LIN52: variants seen among roughly 807,000 people sequenced by gnomAD.
The protein encoded by LIN52 is lin-52 DREAM MuvB core complex component.
LIN52 carries 4 observed loss-of-function variants against 18.5 expected under a neutral mutation model. The observed-to-expected ratio is 0.22, with a 90% CI of 0.11 to 0.49. The LOEUF (loss-of-function observed/expected upper bound fraction) is 0.49, where lower values mean the gene tolerates loss of function less well. LIN52 is among the 20% of genes least tolerant of loss of function. The pLI, the probability that LIN52 is intolerant of heterozygous loss-of-function variation, is 0.97. For missense variants in LIN52, 102 were observed against 139.5 expected (o/e 0.73, Z 1.35); for synonymous variants, 34 against 45.5 (o/e 0.75, Z 1.02).
rs767434505 is a variant in LIN52, at chr14:74,139,011, A to C, written c.283+37773A>C. ...CAGGTAGGGCAGTTCCAAAGGTGTC[A>C]TCAAGGACTAAAGTTTCCATCCTTC... On this transcript the variant is annotated intron_variant, in intron 5 of 5. Transcript: ENST00000555028. Among the ~76,000 whole-genome samples the C allele has an allele frequency of 2.0e-5, 3 of 150,342 alleles. No individual in the cohort carries two copies. The East Asian group carries it at 6.1e-4, about 30-fold the overall frequency.
intron 5 of LIN52, among the ~76,000 whole-genome samples, chr14:74,164,277 AGC>A (rs1425704617): frequency 9.2e-6 from 1 of 108,956 alleles, no homozygotes; most frequent in East Asian, 2.8e-4. Context: ...CACTGCGCCC[AGC>A]CGTTTTTGTT....
intron 5 of LIN52, among the ~76,000 whole-genome samples, chr14:74,172,216 T>C (rs1454500949): frequency 6.6e-6 from 1 of 152,172 alleles, no homozygotes; most frequent in East Asian, 1.9e-4. Flanking sequence ...GGTATATGTA[T>C]CTCTAGTCTG....
chr14:74,096,756 A>G (rs2060816393), intron 3 of LIN52, among the ~76,000 whole-genome samples: 1 of 152,166 alleles, frequency 6.6e-6, no homozygotes, highest in South Asian at 2.1e-4. Flanking sequence ...AATTAATTAA[A>G]TATAAAAAAA....
rs1346866522 is a variant in LIN52, at chr14:74,200,821, G to A, written c.*1844G>A. On this transcript the variant is annotated 3_prime_UTR_variant, in exon 6 of 6. Coordinates refer to ENST00000555028, the MANE Select transcript of LIN52 (RefSeq NM_001024674.3). ...GGTTGAAGAGTGTGTGTGTGTGTGT[G>A]CGCGCGCGCATGTGGCCAAAAAATA... 8.9e-4 allele frequency: 11 copies of A among 12,416 alleles called. No homozygotes were observed. The highest frequency in any genetic ancestry group is 4.2e-4 in the African/African-American group (3 of 7,202). The allele number at this position is 12,416 out of a possible 1,614,324, so 0.8% of individuals were successfully genotyped here. A position where few individuals can be genotyped will look rare whatever the true frequency, so the allele number is the denominator to read the frequency against.
Position 74,175,745 on chromosome 14 carries a change from CACACA to C in LIN52, c.284-23176_284-23172del, listed in dbSNP as rs1566867482. On this transcript the variant is annotated intron_variant, in intron 5 of 5. Transcript: ENST00000555028. ...ACACACACACACACACACACACACA[CACACA>C]CCCCCATTATACAGCTATACCAAAA... 4.4e-3 allele frequency among the ~76,000 whole-genome samples: 636 copies of C among 142,948 alleles called. 3 individuals carry two copies. The highest frequency in any genetic ancestry group is 0.01 in the Admixed American group (147 of 14,686). The allele number at this position is 142,948 out of a possible 152,430, so 93.8% of individuals were successfully genotyped here. A position where few individuals can be genotyped will look rare whatever the true frequency, so the allele number is the denominator to read the frequency against.
intron 5 of LIN52, among the ~76,000 whole-genome samples, chr14:74,109,523 T>C (rs1165745659): frequency 2.6e-5 from 4 of 152,260 alleles, no homozygotes; most frequent in Admixed American, 1.3e-4. Context: ...ACTCTCATTC[T>C]ATTCCATTGA....
At chr14:74,102,166 C>A (rs1595151769) in intron 5 of LIN52, among the ~76,000 whole-genome samples, 1 of 152,094 alleles carries the variant, frequency 6.6e-6, no homozygotes, top group East Asian at 1.9e-4. Context: ...TCACTTGAAC[C>A]TGGGAGGCAG....
intron 5 of LIN52, among the ~76,000 whole-genome samples, chr14:74,135,960 TCTAAA>T (rs1351392623): frequency 3.9e-5 from 6 of 152,238 alleles, no homozygotes; most frequent in African/African-American, 1.4e-4. Context: ...TATTTGGGTA[TCTAAA>T]CTATTGAGAT....
intron 5 of LIN52, among the ~76,000 whole-genome samples, chr14:74,184,819 T>G (rs2061334142): frequency 6.6e-6 from 1 of 152,236 alleles, no homozygotes; most frequent in South Asian, 2.1e-4. Flanking sequence ...TATTTAGATC[T>G]ATTACAATCA....
intron 5 of LIN52, among the ~76,000 whole-genome samples, chr14:74,180,568 G>T (rs1295754545): frequency 6.6e-6 from 1 of 152,074 alleles, no homozygotes; most frequent in Non-Finnish European, 1.5e-5. Context: ...TAGGGAGGAG[G>T]AATTTTTTAA....
intron 5 of LIN52, among the ~76,000 whole-genome samples, chr14:74,158,184 G>A (rs145175659): frequency 0.012 from 1,712 of 148,596 alleles, 21 homozygotes; most frequent in Non-Finnish European, 0.018. Context: ...GCGTGATCTC[G>A]GCTCACTGCA....
chr14:74,118,935 C>T (rs1353173222), intron 5 of LIN52, among the ~76,000 whole-genome samples: 1 of 146,572 alleles, frequency 6.8e-6, no homozygotes, highest in Admixed American at 6.8e-5. Flanking sequence ...AAATCACATA[C>T]TCTTTTGTGT....
intron 3 of LIN52, among the ~76,000 whole-genome samples, chr14:74,097,517 A>G (rs1566845353): frequency 6.8e-6 from 1 of 146,388 alleles, no homozygotes; most frequent in Non-Finnish European, 1.5e-5. Flanking sequence ...TCTGCCTCCC[A>G]CATTCAAGAG....
chr14:74,092,432 G>A (rs1159106167), intron 2 of LIN52, among the ~76,000 whole-genome samples: 1 of 150,402 alleles, frequency 6.6e-6, no homozygotes, highest in African/African-American at 2.4e-5. Context: ...CGGCTCCCGA[G>A]TAGCTGGGAT....
intron 5 of LIN52, among the ~76,000 whole-genome samples, chr14:74,149,686 TA>T (rs2139554148): frequency 6.6e-6 from 1 of 152,336 alleles, no homozygotes; most frequent in South Asian, 2.1e-4. Flanking sequence ...GAATTCTAAC[TA>T]AAATAATTTA....
chr14:74,092,281 T>A (rs4903181), intron 2 of LIN52, among the ~76,000 whole-genome samples: 16,622 of 138,524 alleles, frequency 0.12, 1,218 homozygotes, highest in Admixed American at 0.2. Context: ...CAACAATAAT[T>A]ATTATTATTA....
At chr14:74,085,841 A>G (rs778925560) in intron 1 of LIN52, among the ~76,000 whole-genome samples, 2 of 152,178 alleles carry the variant, frequency 1.3e-5, no homozygotes, top group Non-Finnish European at 2.9e-5. Flanking sequence ...TTATTGATAT[A>G]TAGGTTTCCT....
At chr14:74,188,721 G>A (rs552324623) in intron 5 of LIN52, among the ~76,000 whole-genome samples, 10 of 152,130 alleles carry the variant, frequency 6.6e-5, no homozygotes, top group African/African-American at 2.4e-4. Flanking sequence ...AGCGTTATTC[G>A]AATAGACAGG....
intron 5 of LIN52, among the ~76,000 whole-genome samples, chr14:74,160,958 T>G (rs2061221712): frequency 1.3e-5 from 2 of 152,212 alleles, no homozygotes; most frequent in East Asian, 3.8e-4. Context: ...AATCTTGTAA[T>G]TTTATCTTAA....
Sources: gnomAD v4.1 joint callset for allele counts (sites outside exome capture counted in the v4.1 genomes callset) on GRCh38, gnomAD v4.1.1 for gene constraint, MANE v1.5 for transcripts, NCBI Gene and HGNC (gene_info 2026-07-23, HGNC 2026-07-21) for gene names.